The following GPHN variants were observed in gnomAD, a reference collection of about 807,000 sequenced individuals.
The protein encoded by GPHN is gephyrin.
A neutral mutation model predicts 95.5 loss-of-function variants in GPHN; 17 were observed. That is an observed-to-expected ratio of 0.18 (90% confidence interval 0.12 to 0.27). GPHN has a LOEUF of 0.27. Ranked by LOEUF, GPHN falls within the 10% of genes least tolerant of loss-of-function variation. GPHN has a pLI of 1.00. For synonymous variants in GPHN, 320 were observed against 322.5 expected (o/e 0.99, Z 0.08); for missense variants, 660 against 978.1 (o/e 0.67, Z 4.34).
At chr14:67,352,227 G>A in the GPHN span, among the ~76,000 whole-genome samples, 1 of 151,974 alleles carries the variant, frequency 6.6e-6, no homozygotes, top group Admixed American at 6.6e-5. Flanking sequence ...CAGCACTTTC[G>A]GAGGCCAAGA....
At chr14:67,487,420 G>C in the GPHN span, among the ~76,000 whole-genome samples, 1 of 152,154 alleles carries the variant, frequency 6.6e-6, no homozygotes, top group Non-Finnish European at 1.5e-5. Flanking sequence ...AGGGCTTCTT[G>C]CCTAAATGTG....
At chr14:66,617,853 CA>C (rs2063116125) in intron 1 of GPHN, among the ~76,000 whole-genome samples, 1 of 152,104 alleles carries the variant, frequency 6.6e-6, no homozygotes, top group Admixed American at 6.5e-5. Flanking sequence ...GTATTCATTT[CA>C]ATCACTTAGC....
intron 10 of GPHN, among the ~76,000 whole-genome samples, chr14:67,032,003 A>G (rs1482027817): frequency 2.0e-5 from 3 of 152,358 alleles, no homozygotes; most frequent in African/African-American, 7.2e-5. Flanking sequence ...TGGTCATAAT[A>G]GCTTCATGAA....
intron 9 of GPHN, among the ~76,000 whole-genome samples, chr14:67,005,251 T>C (rs2072518395): frequency 1.3e-5 from 2 of 151,892 alleles, no homozygotes; most frequent in South Asian, 4.1e-4. Context: ...TTCTCCAAAG[T>C]AGATTCATCC....
the GPHN span, among the ~76,000 whole-genome samples, chr14:67,622,423 T>C: frequency 2.0e-5 from 3 of 152,282 alleles, no homozygotes; most frequent in East Asian, 1.9e-4. Flanking sequence ...CACCTACATA[T>C]GGATATGGTG....
At chr14:67,021,633 T>C (rs373830320) in intron 9 of GPHN, among the ~76,000 whole-genome samples, 2 of 152,102 alleles carry the variant, frequency 1.3e-5, no homozygotes, top group East Asian at 3.8e-4. Flanking sequence ...TTATATACAT[T>C]AGAAAATGTA....
At chr14:66,683,051 A>G (rs2067038338) in intron 2 of GPHN, among the ~76,000 whole-genome samples, 1 of 151,802 alleles carries the variant, frequency 6.6e-6, no homozygotes, top group South Asian at 2.1e-4. Context: ...TGGAAGGACA[A>G]AATAATTCTC....
the GPHN span, among the ~76,000 whole-genome samples, chr14:67,193,387 C>A: frequency 7.3e-6 from 1 of 136,550 alleles, no homozygotes; most frequent in Non-Finnish European, 1.6e-5. Context: ...CTAGATATAT[C>A]TAGATATATC....
At chr14:66,516,519 G>T (rs1481586933) in intron 1 of GPHN, among the ~76,000 whole-genome samples, 1 of 152,140 alleles carries the variant, frequency 6.6e-6, no homozygotes, top group African/African-American at 2.4e-5. Context: ...TTTGAAGTGA[G>T]GGTCTAAAGG....
At chr14:67,589,552 A>C in the GPHN span, 4 of 985,446 alleles carry the variant, frequency 4.1e-6, no homozygotes, top group Non-Finnish European at 2.4e-6. Flanking sequence ...GTGTTTTGGA[A>C]GATCTGTTTA....
chr14:67,360,400 C>G, the GPHN span: 6 of 395,150 alleles, frequency 1.5e-5, no homozygotes, highest in Non-Finnish European at 2.2e-5. Flanking sequence ...AGTCTGGTCT[C>G]TGTGATTGAA....
chr14:67,113,126 A>C lies in GPHN; in HGVS notation c.1581A>C (p.Glu527Asp), dbSNP rs1360336715. 1 of 1,613,992 alleles carries C rather than the reference A, an allele frequency of 6.2e-7. No homozygotes were observed. Among genetic ancestry groups the C allele is most frequent in the Admixed American group, 1.7e-5 (1 of 60,010 alleles). Residue 527 changes from glutamate to aspartate, a missense_variant, in exon 16 of 23, where the codon GAA becomes GAC. Coordinates refer to ENST00000478722, the MANE Select transcript of GPHN (RefSeq NM_020806.5). ...CAACTGTAGGTGTCACAGAGGTTGA[A>C]GTTAATAAGTTTCCAGTGGTTGCAG... Reference protein sequence around the residue: ...LLATVGVTEVEVNKFPVVAVM... With the variant: ...LLATVGVTEVDVNKFPVVAVM...
At chr14:67,130,223 G>A (rs979691519) in intron 17 of GPHN, among the ~76,000 whole-genome samples, 2 of 152,176 alleles carry the variant, frequency 1.3e-5, no homozygotes, top group African/African-American at 2.4e-5. Flanking sequence ...CCCAGGTAGT[G>A]AGGATAGTAC....
chr14:67,309,535 A>G, the GPHN span, among the ~76,000 whole-genome samples: 1 of 152,192 alleles, frequency 6.6e-6, no homozygotes, highest in Non-Finnish European at 1.5e-5. Context: ...CAGCCTACAC[A>G]AAGAGGGGCC....
At chr14:66,796,864 CTTGTGGAGTGTTACTCAAGA>C (rs2060174479) in intron 3 of GPHN, among the ~76,000 whole-genome samples, 2 of 151,970 alleles carry the variant, frequency 1.3e-5, no homozygotes, top group African/African-American at 4.8e-5. Flanking sequence ...GTTACCTATG[CTTGTGGAGTGTTACTCAAGA>C]AATCTTTGCC....
At chr14:66,658,007 A>G (rs966223563) in intron 1 of GPHN, among the ~76,000 whole-genome samples, 8 of 152,206 alleles carry the variant, frequency 5.3e-5, no homozygotes, top group Non-Finnish European at 1.2e-4. Flanking sequence ...CATTTTGGAA[A>G]GGCTCACCAT....
chr14:67,138,783 A>G (rs72715390), intron 17 of GPHN, among the ~76,000 whole-genome samples: 6,610 of 151,822 alleles, frequency 0.044, 188 homozygotes, highest in Middle Eastern at 0.069. Flanking sequence ...GGGATTCTGA[A>G]TCATGTTCAT....
the GPHN span, among the ~76,000 whole-genome samples, chr14:67,453,211 C>CGG: frequency 1.3e-5 from 2 of 152,110 alleles, no homozygotes; most frequent in African/African-American, 2.4e-5. Flanking sequence ...AATTATCCCC[C>CGG]GGGGGGTCAG....
At chr14:67,312,651 G>T in the GPHN span, 1 of 1,613,148 alleles carries the variant, frequency 6.2e-7, no homozygotes, top group Non-Finnish European at 8.5e-7. Context: ...GATCCAAACT[G>T]GTGGCAGGCC....
Sources: gnomAD v4.1 joint callset for allele counts (sites outside exome capture counted in the v4.1 genomes callset) on GRCh38, gnomAD v4.1.1 for gene constraint, MANE v1.5 for transcripts, NCBI Gene and HGNC (gene_info 2026-07-23, HGNC 2026-07-21) for gene names.